ZMIZ1: variants seen among roughly 807,000 people sequenced by gnomAD.
ZMIZ1 encodes zinc finger MIZ-type containing 1.
A neutral mutation model predicts 113.9 loss-of-function variants in ZMIZ1; 17 were observed. That is an observed-to-expected ratio of 0.15 (90% CI 0.10 to 0.22). ZMIZ1 has a LOEUF of 0.22. ZMIZ1 is among the 10% of genes least tolerant of loss of function. The pLI, the probability that ZMIZ1 is intolerant of heterozygous loss-of-function variation, is 1.00. For synonymous variants in ZMIZ1, 607 were observed against 603.1 expected (o/e 1.01, Z -0.09); for missense variants, 1,059 against 1,477.8 (o/e 0.72, Z 4.65).
At chr10:79,243,672 C>A (rs1160024437) in intron 7 of ZMIZ1, 2 of 302,198 alleles carry the variant, frequency 6.6e-6, no homozygotes, top group Non-Finnish European at 1.3e-5. Flanking sequence ...CTCGCCGCGG[C>A]CGCCGCCGGC....
At chr10:79,223,610 G>T (rs1198073072) in intron 7 of ZMIZ1, among the ~76,000 whole-genome samples, 1 of 152,262 alleles carries the variant, frequency 6.6e-6, no homozygotes, top group African/African-American at 2.4e-5. Context: ...CTCTGTTTCA[G>T]TGCCGTGGGA....
At position 79,296,161 on chromosome 10, in the gene ZMIZ1, G is replaced by T. The variant is rs770124067; in HGVS notation, c.1231-310G>T. The T allele has an allele frequency of 1.3e-5, 5 of 398,874 alleles. No homozygotes were observed. The highest frequency in any genetic ancestry group is 2.1e-5 in the African/African-American group (1 of 47,412). The allele number at this position is 398,874 out of a possible 1,614,324, so 24.7% of individuals were successfully genotyped here. On this transcript the variant is annotated intron_variant, in intron 12 of 24. Transcript: ENST00000334512. The surrounding 1 kb of genome is among the most constrained non-coding windows in gnomAD (Gnocchi z 4.1). Reference sequence around the variant, plus strand: ...AGGCACCAGGAGAGACACAAAGGTCGGGGGAGTTAGAATCAGGCCCCTCAT... The same window carrying T: ...AGGCACCAGGAGAGACACAAAGGTCTGGGGAGTTAGAATCAGGCCCCTCAT...
At chr10:79,271,763 C>G (rs1359284484) in intron 7 of ZMIZ1, among the ~76,000 whole-genome samples, 1 of 152,112 alleles carries the variant, frequency 6.6e-6, no homozygotes, top group Non-Finnish European at 1.5e-5. Context: ...AGGAAAGAGG[C>G]ATGAAATTGC....
intron 20 of ZMIZ1, 108 bp downstream of exon 20, chr10:79,305,339 A>T (rs1854613940): frequency 7.3e-7 from 1 of 1,362,114 alleles, no homozygotes; most frequent in Admixed American, 1.7e-5. Context: ...CAGAACCCAA[A>T]CATGGCAGAG....
intron 8 of ZMIZ1, among the ~76,000 whole-genome samples, chr10:79,288,339 C>G (rs1484914386): frequency 6.6e-6 from 1 of 152,234 alleles, no homozygotes; most frequent in Non-Finnish European, 1.5e-5. Context: ...ACCTCCATCC[C>G]CAGTTGCCCT....
chr10:79,073,857 A>C (rs1842383144), intron 1 of ZMIZ1, among the ~76,000 whole-genome samples: 2 of 152,282 alleles, frequency 1.3e-5, no homozygotes, highest in African/African-American at 4.8e-5. Flanking sequence ...CATGGGTGCC[A>C]CAGGTGTTGA....
intron 7 of ZMIZ1, among the ~76,000 whole-genome samples, chr10:79,236,439 C>G (rs1849592833): frequency 6.6e-6 from 1 of 152,232 alleles, no homozygotes; most frequent in African/African-American, 2.4e-5. Flanking sequence ...AAGCCCCCAT[C>G]AAAGCTGTGT....
chr10:79,116,001 A>G (rs142892128), intron 1 of ZMIZ1, among the ~76,000 whole-genome samples: 2 of 152,260 alleles, frequency 1.3e-5, no homozygotes, highest in African/African-American at 4.8e-5. Flanking sequence ...TGGGTCTTGC[A>G]ATTTTGTTTT....
At chr10:79,237,475 A>AGGGAGT (rs1849639396) in intron 7 of ZMIZ1, among the ~76,000 whole-genome samples, 1 of 152,176 alleles carries the variant, frequency 6.6e-6, no homozygotes, top group Non-Finnish European at 1.5e-5. Context: ...AGCCCAGAGG[A>AGGGAGT]AGGTGTCAGT....
At chr10:79,176,776 C>T (rs559045191) in intron 4 of ZMIZ1, among the ~76,000 whole-genome samples, 4 of 152,326 alleles carry the variant, frequency 2.6e-5, no homozygotes, top group African/African-American at 7.2e-5. Flanking sequence ...GGGAATTTGC[C>T]AGTCTGGGTT....
chr10:79,300,675 G>T (rs1441324534), intron 16 of ZMIZ1, 57 bp from the exon 17 acceptor site: 2 of 1,541,126 alleles, frequency 1.3e-6, no homozygotes, highest in Non-Finnish European at 8.7e-7. Flanking sequence ...CGGGGTCACG[G>T]AGGCCATGGA....
At chr10:79,126,695 A>G (rs1717197030) in intron 2 of ZMIZ1, among the ~76,000 whole-genome samples, 2 of 152,204 alleles carry the variant, frequency 1.3e-5, no homozygotes, top group Non-Finnish European at 2.9e-5. Context: ...AATGCCCCTG[A>G]GTAGATCACT....
chr10:79,116,559 A>T (rs1484945338), intron 1 of ZMIZ1, among the ~76,000 whole-genome samples: 1 of 152,100 alleles, frequency 6.6e-6, no homozygotes, highest in Non-Finnish European at 1.5e-5. Flanking sequence ...GTGGGGGTGC[A>T]CAGAAGAGTG....
chr10:79,254,932 C>A (rs55906531), intron 7 of ZMIZ1, among the ~76,000 whole-genome samples: 23,080 of 152,232 alleles, frequency 0.15, 1,865 homozygotes, highest in East Asian at 0.23. Flanking sequence ...GTTGAAGAAA[C>A]AAACCTCTTG....
chr10:79,223,315 C>T (rs1288595021), intron 7 of ZMIZ1, among the ~76,000 whole-genome samples: 1 of 152,256 alleles, frequency 6.6e-6, no homozygotes, highest in Non-Finnish European at 1.5e-5. Flanking sequence ...AGACAGCAGG[C>T]AGGCAGGCCC....
At chr10:79,274,041 CTG>C (rs1445359952) in intron 7 of ZMIZ1, among the ~76,000 whole-genome samples, 1 of 151,682 alleles carries the variant, frequency 6.6e-6, no homozygotes, top group African/African-American at 2.4e-5. Flanking sequence ...TTGGGGACCT[CTG>C]TGTAAAAAGG....
intron 7 of ZMIZ1, among the ~76,000 whole-genome samples, chr10:79,259,029 G>T (rs998516234): frequency 1.6e-4 from 24 of 152,146 alleles, no homozygotes; most frequent in African/African-American, 5.6e-4. Context: ...GTAGGCGAGG[G>T]GAGGAAGCGC....
intron 7 of ZMIZ1, among the ~76,000 whole-genome samples, chr10:79,276,442 C>A (rs1463728513): frequency 6.6e-6 from 1 of 152,180 alleles, no homozygotes; most frequent in South Asian, 2.1e-4. Flanking sequence ...CTCTCTTATC[C>A]CGGATGTGGA....
At position 79,150,184 on chromosome 10, in the gene ZMIZ1, A is replaced by G. The variant is rs529402462; in HGVS notation, c.-131+10407A>G. On this transcript the variant is annotated intron_variant, in intron 3 of 24. Transcript: ENST00000334512. ...GCCTGGCCCCGGGCCGCAGCCGTGCAGGTCACTAGGCCTCGGCGAGTGGCC... is the reference window on the plus strand; with the variant it reads ...GCCTGGCCCCGGGCCGCAGCCGTGCGGGTCACTAGGCCTCGGCGAGTGGCC... Among the ~76,000 whole-genome samples the G allele has an allele frequency of 4.6e-5, 7 of 152,294 alleles. No individual in the cohort carries two copies. The South Asian group carries it at 1.4e-3, about 32-fold the overall frequency.
Sources: gnomAD v4.1 joint callset for allele counts (sites outside exome capture counted in the v4.1 genomes callset) on GRCh38, gnomAD v4.1.1 for gene constraint, Gnocchi (gnomAD v3.1) non-coding constraint, MANE v1.5 for transcripts, NCBI Gene and HGNC (gene_info 2026-07-23, HGNC 2026-07-21) for gene names.